Variants in NDST4 observed in about 807,000 individuals in gnomAD.
NDST4 encodes N-heparan sulfate sulfotransferase 4.
NDST4 carries 63 observed loss-of-function variants against 100.8 expected under a neutral mutation model. The observed-to-expected ratio is 0.62, with a 90% CI of 0.51 to 0.77. The LOEUF (loss-of-function observed/expected upper bound fraction) is 0.77, where lower values mean the gene tolerates loss of function less well. Ranked by LOEUF, NDST4 falls within the 30% of genes least tolerant of loss-of-function variation. The pLI is 0.00. For missense variants in NDST4, 943 were observed against 1,018.4 expected, an observed-to-expected ratio of 0.93 and a Z score of 1.01; for synonymous variants, 377 against 361.8, an observed-to-expected ratio of 1.04 and a Z score of -0.48.
At chr4:114,983,850 G>C (rs1726836824) in intron 2 of NDST4, among the ~76,000 whole-genome samples, 1 of 152,086 alleles carries the variant, frequency 6.6e-6, no homozygotes, top group African/African-American at 2.4e-5. Context: ...GAAGGAGATT[G>C]GATCATGAGG....
chr4:114,864,222 T>C (rs1323071933), intron 7 of NDST4, among the ~76,000 whole-genome samples: 1 of 152,196 alleles, frequency 6.6e-6, no homozygotes, highest in Admixed American at 6.5e-5. Flanking sequence ...ACCTTAATAG[T>C]TGAAACTTTA....
chr4:114,973,274 A>G (rs936578294), intron 3 of NDST4, among the ~76,000 whole-genome samples: 1 of 151,036 alleles, frequency 6.6e-6, no homozygotes, highest in Non-Finnish European at 1.5e-5. Context: ...TTATTTTTCT[A>G]TACCTAATAT....
intron 2 of NDST4, among the ~76,000 whole-genome samples, chr4:114,986,832 A>ATATATATTTATTTATT: frequency 1.1e-5 from 1 of 94,664 alleles, no homozygotes; most frequent in African/African-American, 3.7e-5. Context: ...ATATATATAT[A>ATATATATTTATTTATT]TTTTAATATA....
intron 6 of NDST4, among the ~76,000 whole-genome samples, chr4:114,909,386 C>T (rs768020106): frequency 2.6e-5 from 4 of 152,000 alleles, no homozygotes; most frequent in African/African-American, 4.8e-5. Flanking sequence ...ATTGGCCGGG[C>T]GCGGTGGCTC....
intron 4 of NDST4, among the ~76,000 whole-genome samples, chr4:114,951,948 T>A (rs1177510885): frequency 6.6e-6 from 1 of 152,212 alleles, no homozygotes. Flanking sequence ...AAAATACTAA[T>A]TTGCTTTAAA....
intron 6 of NDST4, among the ~76,000 whole-genome samples, chr4:114,917,988 C>T (rs1047659917): frequency 6.6e-6 from 1 of 152,044 alleles, no homozygotes; most frequent in African/African-American, 2.4e-5. Flanking sequence ...CATGTCAATA[C>T]TTGAGTGGAT....
intron 2 of NDST4, among the ~76,000 whole-genome samples, chr4:114,988,553 G>T (rs1306692151): frequency 6.6e-6 from 1 of 151,322 alleles, no homozygotes; most frequent in African/African-American, 2.4e-5. Context: ...AGTAGAGATG[G>T]GGTTTCACTG....
At chr4:115,002,128 AG>A (rs1727304257) in intron 2 of NDST4, among the ~76,000 whole-genome samples, 1 of 152,354 alleles carries the variant, frequency 6.6e-6, no homozygotes, top group East Asian at 1.9e-4. Context: ...ATAGTGTAAA[AG>A]GGTTCTTATT....
chr4:115,015,137 T>A (rs897138640), intron 2 of NDST4, among the ~76,000 whole-genome samples: 1 of 152,096 alleles, frequency 6.6e-6, no homozygotes, highest in Non-Finnish European at 1.5e-5. Flanking sequence ...GTGGCCCAAA[T>A]GCCCACTGGC....
At chr4:114,855,836 C>A (rs1198057684) in intron 7 of NDST4, among the ~76,000 whole-genome samples, 2 of 152,078 alleles carry the variant, frequency 1.3e-5, no homozygotes, top group African/African-American at 4.8e-5. Context: ...TTAATCAATT[C>A]TTTAGATACA....
chr4:115,059,529 C>A (rs1728774036), intron 2 of NDST4, among the ~76,000 whole-genome samples: 1 of 152,026 alleles, frequency 6.6e-6, no homozygotes, highest in Non-Finnish European at 1.5e-5. Flanking sequence ...TAAGAACCTA[C>A]ATCTGGGAAA....
chr4:115,098,802 T>C (rs558730027), intron 1 of NDST4, among the ~76,000 whole-genome samples: 2 of 152,296 alleles, frequency 1.3e-5, no homozygotes, highest in South Asian at 4.1e-4. Context: ...TGGGATCAAG[T>C]GATCTTCCCA....
intron 4 of NDST4, among the ~76,000 whole-genome samples, chr4:114,950,107 A>G (rs1299068170): frequency 2.6e-5 from 4 of 152,014 alleles, no homozygotes; most frequent in Non-Finnish European, 5.9e-5. Context: ...AAGGTCATTT[A>G]TACAGTTGGA....
intron 6 of NDST4, among the ~76,000 whole-genome samples, chr4:114,925,523 T>C (rs992364336): frequency 6.6e-6 from 1 of 152,106 alleles, no homozygotes; most frequent in African/African-American, 2.4e-5. Flanking sequence ...AACTCAGAGA[T>C]TGATATACAC....
chr4:115,040,798 A>T (rs1728332481), intron 2 of NDST4, among the ~76,000 whole-genome samples: 1 of 152,012 alleles, frequency 6.6e-6, no homozygotes, highest in African/African-American at 2.4e-5. Context: ...AGTTAGAATA[A>T]TTTGAGCATC....
Position 114,986,793 on chromosome 4 carries a change from C to CATACATATATAT in NDST4, c.979-9520_979-9519insATATATATGTAT, listed in dbSNP as rs1553959380. Among the ~76,000 whole-genome samples, 123 of 91,128 alleles carry CATACATATATAT rather than the reference C, an allele frequency of 1.3e-3. 6 individuals carry two copies. The highest frequency in any genetic ancestry group is 5.4e-3 in the African/African-American group (120 of 22,102). 59.8% of individuals were successfully genotyped at this position (91,128 alleles called of 152,430 possible). A position where few individuals can be genotyped will look rare whatever the true frequency, so the allele number is the denominator to read the frequency against. ...CCTCTAAGCCTGGTATCCAATTATA[C>CATACATATATAT]ATATATATATATATATATATATATA... On this transcript the variant is annotated intron_variant, in intron 2 of 13. Transcript: ENST00000264363.
At chr4:114,972,029 T>TTAGGGTC (rs138067307) in intron 3 of NDST4, among the ~76,000 whole-genome samples, 62,759 of 151,306 alleles carry the variant, frequency 0.41, 14,080 homozygotes, top group African/African-American at 0.6. Flanking sequence ...TTTTTGAATA[T>TTAGGGTC]ACCTTAAAAA....
chr4:114,914,028 C>T (rs1169508871), intron 6 of NDST4, among the ~76,000 whole-genome samples: 1 of 151,934 alleles, frequency 6.6e-6, no homozygotes, highest in African/African-American at 2.4e-5. Context: ...CTGTCATTTG[C>T]AACAACATGG....
intron 2 of NDST4, among the ~76,000 whole-genome samples, chr4:115,073,281 A>G (rs1224058594): frequency 2.0e-5 from 3 of 152,014 alleles, no homozygotes; most frequent in Non-Finnish European, 4.4e-5. Flanking sequence ...TTAAAAATGG[A>G]ACTACCATAT....
Sources: allele counts gnomAD v4.1 joint callset (sites outside exome capture counted in the v4.1 genomes callset), GRCh38; gene constraint gnomAD v4.1.1; transcripts MANE v1.5; gene names NCBI Gene and HGNC (gene_info 2026-07-23, HGNC 2026-07-21).